TACC2: variants seen among roughly 807,000 people sequenced by gnomAD.
The protein encoded by TACC2 is transforming acidic coiled-coil containing protein 2, also known as transforming acidic coiled-coil-containing protein 2.
In TACC2, 137 loss-of-function variants were observed where a neutral mutation model predicts 227.3. The ratio of observed to expected loss-of-function variants is 0.60; its 90% CI spans 0.52 to 0.69. TACC2 has a LOEUF of 0.69. TACC2 is among the 30% of genes least tolerant of loss of function. The pLI, the probability that TACC2 is intolerant of heterozygous loss-of-function variation, is 0.00. For missense variants in TACC2, 3,470 were observed against 3,694.4 expected (o/e 0.94, Z 1.57); for synonymous variants, 1,523 against 1,487.5 (o/e 1.02, Z -0.55).
intron 8 of TACC2, among the ~76,000 whole-genome samples, chr10:122,207,944 C>T (rs3962111): frequency 0.46 from 70,245 of 151,960 alleles, 19,072 homozygotes; most frequent in East Asian, 0.84. Flanking sequence ...CCTGGTCCCC[C>T]TCAGCATCCC....
At chr10:122,228,746 GTT>G (rs1278304928) in intron 14 of TACC2, among the ~76,000 whole-genome samples, 22 of 152,126 alleles carry the variant, frequency 1.4e-4, no homozygotes, top group Non-Finnish European at 2.6e-4. Flanking sequence ...CCTACTATGT[GTT>G]TGGCAGTTGG....
chr10:122,196,705 G>GGC (rs1206127800), intron 8 of TACC2, among the ~76,000 whole-genome samples: 1 of 152,030 alleles, frequency 6.6e-6, no homozygotes, highest in Admixed American at 6.6e-5. Flanking sequence ...TTCTGGCCGA[G>GGC]GCGGGCAGAT....
chr10:122,171,440 G>A (rs1030230061), intron 7 of TACC2, among the ~76,000 whole-genome samples: 3 of 152,202 alleles, frequency 2.0e-5, no homozygotes, highest in South Asian at 4.1e-4. Context: ...TTATGGGGCC[G>A]AGAACTCAGG....
chr10:122,083,284 A>G lies in TACC2; in HGVS notation c.784A>G (p.Ser262Gly), dbSNP rs747294941. The G allele has an allele frequency of 2.5e-6, 4 of 1,613,800 alleles. No homozygotes were observed. The highest frequency in any genetic ancestry group is 3.4e-6 in the Non-Finnish European group (4 of 1,180,030). ...APAAAQQGTE[S>G]SAVLEKSPLK... The stretch of plus-strand genomic sequence containing the variant: ...TGCTGCAGCCCAGCAGGGCACAGAA[A>G]GCTCAGCGGTCTTGGAGAAGTCCCC... The change falls in exon 4 of 23, where the codon AGC (serine) becomes GGC (glycine). Residue 262 changes from serine to glycine, a missense_variant. Coordinates refer to ENST00000369005, the MANE Select transcript of TACC2 (RefSeq NM_206862.4).
At chr10:122,002,321 A>G (rs930963788) in intron 1 of TACC2, among the ~76,000 whole-genome samples, 1 of 152,178 alleles carries the variant, frequency 6.6e-6, no homozygotes, top group Non-Finnish European at 1.5e-5. Flanking sequence ...TATAACATTC[A>G]GTCTATAGCA....
At chr10:122,125,776 CTTT>C (rs67882679) in intron 5 of TACC2, among the ~76,000 whole-genome samples, 6 of 117,222 alleles carry the variant, frequency 5.1e-5, no homozygotes, top group Admixed American at 1.0e-4. Context: ...AATATCCTTC[CTTT>C]TTTTTTTTTT....
chr10:122,134,162 G>A (rs945080654), intron 6 of TACC2, among the ~76,000 whole-genome samples: 6 of 150,288 alleles, frequency 4.0e-5, no homozygotes, highest in Non-Finnish European at 7.4e-5. Context: ...GTGGGAGTCA[G>A]CCATAGTTCT....
At chr10:122,119,279 T>C (rs1289371991) in intron 5 of TACC2, among the ~76,000 whole-genome samples, 1 of 152,222 alleles carries the variant, frequency 6.6e-6, no homozygotes, top group Non-Finnish European at 1.5e-5. Context: ...AAGAGGTTAA[T>C]GAACTTGCCT....
intron 22 of TACC2, among the ~76,000 whole-genome samples, chr10:122,252,659 T>G (rs1281902524): frequency 6.6e-6 from 1 of 151,694 alleles, no homozygotes; most frequent in Non-Finnish European, 1.5e-5. Flanking sequence ...CCCAGCTAAT[T>G]TTTTTGTATT....
chr10:122,071,978 C>CTT (rs200019377), intron 3 of TACC2, among the ~76,000 whole-genome samples: 13 of 101,496 alleles, frequency 1.3e-4, no homozygotes, highest in African/African-American at 3.8e-4. Context: ...CCCAATAACT[C>CTT]TTTTTTTTTT....
chr10:122,087,770 G>A lies in TACC2; in HGVS notation c.5270G>A (p.Gly1757Glu), dbSNP rs1002974128. 1 of 1,607,560 alleles carries A rather than the reference G, an allele frequency of 6.2e-7. No homozygotes were observed. The change falls in exon 4 of 23, where the codon GGG (glycine) becomes GAG (glutamate). Residue 1757 changes from glycine (G) to glutamate (E), a missense_variant. By Grantham distance (98) the Gly-to-Glu change is moderately conservative. This residue lies in a region of TACC2 where 1,924 missense variants were observed against 1,978.3 expected (regional missense o/e 0.97). Transcript: ENST00000369005. ...CCAGCCTGCTCTGACAAGGCTCCGG[G>A]GATGGAGGGTACAGCTGCCCTTCAT... ...QDPACSDKAP[G>E]MEGTAALHGD...
rs1261883701 is a variant in TACC2, at chr10:122,180,662, A to G, written c.5835-14378A>G. Among the ~76,000 whole-genome samples, 1 of 149,470 alleles carries G rather than the reference A, an allele frequency of 6.7e-6. No homozygotes were observed. The highest frequency in any genetic ancestry group is 2.0e-4 in the East Asian group (1 of 4,910). On this transcript the variant is annotated intron_variant, in intron 7 of 22. Coordinates refer to ENST00000369005, the MANE Select transcript of TACC2 (RefSeq NM_206862.4). The surrounding 1 kb of genome is among the most constrained non-coding windows in gnomAD (Gnocchi z 4.5). ...CTCTTCCCTCGAGTTCTAATGACTGACTCTTTTTTCACTCTTCATGTCTCA... is the reference window on the plus strand; with the variant it reads ...CTCTTCCCTCGAGTTCTAATGACTGGCTCTTTTTTCACTCTTCATGTCTCA...
At chr10:122,203,789 T>C (rs1308432808) in intron 8 of TACC2, among the ~76,000 whole-genome samples, 1 of 152,112 alleles carries the variant, frequency 6.6e-6, no homozygotes, top group Non-Finnish European at 1.5e-5. Context: ...CTCTGCACTT[T>C]GGGAGGCCAA....
intron 7 of TACC2, among the ~76,000 whole-genome samples, chr10:122,185,264 T>C (rs2094144741): frequency 6.6e-6 from 1 of 151,760 alleles, no homozygotes; most frequent in Non-Finnish European, 1.5e-5. Flanking sequence ...CGATCTTGGC[T>C]CACTACAACC....
At chr10:122,060,211 C>T (rs2076643027) in intron 3 of TACC2, among the ~76,000 whole-genome samples, 1 of 152,044 alleles carries the variant, frequency 6.6e-6, no homozygotes, top group Admixed American at 6.6e-5. Context: ...AAGCCTGGAC[C>T]CTGAAGGCCA....
chr10:122,016,110 A>C (rs1956578611), intron 1 of TACC2, among the ~76,000 whole-genome samples: 1 of 151,380 alleles, frequency 6.6e-6, no homozygotes, highest in Non-Finnish European at 1.5e-5. Flanking sequence ...AAAAATACTA[A>C]GAGTAGCCAG....
At chr10:122,109,804 A>T (rs10887073) in intron 5 of TACC2, among the ~76,000 whole-genome samples, 13,966 of 152,148 alleles carry the variant, frequency 0.092, 800 homozygotes, top group East Asian at 0.24. Context: ...GGTTCTCTCC[A>T]CTTAAGTTTT....
intron 9 of TACC2, 125 bp from the exon 10 acceptor site, chr10:122,215,266 C>A: frequency 2.5e-6 from 2 of 797,666 alleles, no homozygotes; most frequent in African/African-American, 1.7e-5. Context: ...GCTGGAGTGA[C>A]AGAGGTGGGA....
In TACC2 at chr10:122,050,697, G is replaced by A; in HGVS notation, c.146+147G>A. ...TCAGTGGTGAGATGTTCCAAGCAGT[G>A]GTTCACAGACCTCTCTGTGACTGGC... is the stretch of plus-strand genomic sequence containing the variant. On this transcript the variant is annotated intron_variant, in intron 3 of 22. Transcript: ENST00000369005. The surrounding 1 kb of genome is among the most constrained non-coding windows in gnomAD (Gnocchi z 4.6). 1 of 632,530 alleles carries A rather than the reference G, an allele frequency of 1.6e-6. No homozygotes were observed. The highest frequency in any genetic ancestry group is 4.3e-4 in the Middle Eastern group (1 of 2,306). The allele number at this position is 632,530 out of a possible 1,614,324, so 39.2% of individuals were successfully genotyped here. A position where few individuals can be genotyped will look rare whatever the true frequency, so the allele number is the denominator to read the frequency against.
Sources: allele counts gnomAD v4.1 joint callset (sites outside exome capture counted in the v4.1 genomes callset), GRCh38; gene constraint gnomAD v4.1.1; regional missense constraint gnomAD v4.1.1; non-coding constraint Gnocchi (gnomAD v3.1); transcripts MANE v1.5; gene names NCBI Gene and HGNC (gene_info 2026-07-23, HGNC 2026-07-21).